The following PGM2 variants were observed in gnomAD, a reference collection of about 807,000 sequenced individuals.
PGM2 encodes the protein phosphopentomutase.
PGM2 carries 57 observed loss-of-function variants against 74.6 expected under a neutral mutation model. The ratio of observed to expected loss-of-function variants is 0.76; its 90% CI spans 0.62 to 0.95. The LOEUF is 0.95. PGM2 is among the 40% of genes least tolerant of loss of function. PGM2 has a pLI of 0.00. For synonymous variants in PGM2, 273 were observed against 260.7 expected (o/e 1.05, Z -0.46); for missense variants, 706 against 741.9 (o/e 0.95, Z 0.56).
At chr4:37,831,192 CAAAA>C (rs11432971) in intron 2 of PGM2, among the ~76,000 whole-genome samples, 1 of 74,090 alleles carries the variant, frequency 1.3e-5, no homozygotes. Context: ...GACTCTGTCT[CAAAA>C]AAAAAAAAAA....
chr4:37,849,953 A>G (rs1221303364), intron 11 of PGM2, among the ~76,000 whole-genome samples: 2 of 151,790 alleles, frequency 1.3e-5, no homozygotes, highest in African/African-American at 4.8e-5. Flanking sequence ...ATACCCGGCT[A>G]ATTTTTGTAT....
chr4:37,856,700 T>G (rs56385902), intron 13 of PGM2, among the ~76,000 whole-genome samples: 14,107 of 152,192 alleles, frequency 0.093, 1,730 homozygotes, highest in African/African-American at 0.28. Context: ...AGCATTTCCC[T>G]ATTCAGAATA....
chr4:37,845,488 C>T lies in PGM2; in HGVS notation c.910-145C>T, dbSNP rs1032645247. 7.0e-6 allele frequency: 4 copies of T among 571,616 alleles called. No individual in the cohort carries two copies. In the Admixed American group the frequency reaches 1.2e-4, roughly 17 times the overall value. 35.4% of individuals were successfully genotyped at this position (571,616 alleles called of 1,614,324 possible). On this transcript the variant is annotated intron_variant, in intron 7 of 13. Transcript: ENST00000381967. Reference sequence around the variant, plus strand: ...TGCAGCTTTTGTTTGCTAAATTTCACTTCTGGAGCTGTCTTGGTTGGTCCT... The same window carrying T: ...TGCAGCTTTTGTTTGCTAAATTTCATTTCTGGAGCTGTCTTGGTTGGTCCT...
intron 2 of PGM2, among the ~76,000 whole-genome samples, chr4:37,833,706 G>A (rs1244722626): frequency 1.3e-5 from 2 of 152,088 alleles, no homozygotes; most frequent in South Asian, 2.1e-4. Flanking sequence ...CAAAAATAAT[G>A]CGTAAAACAG....
At chr4:37,840,001 A>G (rs964165248) in intron 5 of PGM2, 65 bp from the exon 6 acceptor site, 20 of 1,520,118 alleles carry the variant, frequency 1.3e-5, no homozygotes, top group Non-Finnish European at 1.6e-5. Context: ...TTTTGGGACC[A>G]TAGGTAATAG....
intron 4 of PGM2, among the ~76,000 whole-genome samples, chr4:37,838,601 G>T (rs183298680): frequency 1.2e-4 from 19 of 152,218 alleles, no homozygotes; most frequent in Non-Finnish European, 2.6e-4. Flanking sequence ...TGTGTTTGCC[G>T]GCTCTAGTGC....
At chr4:37,855,012 A>T (rs1373899938) in intron 12 of PGM2, among the ~76,000 whole-genome samples, 3 of 152,250 alleles carry the variant, frequency 2.0e-5, no homozygotes, top group African/African-American at 7.2e-5. Context: ...GTGTTACCTC[A>T]CATATTGATC....
chr4:37,847,328 C>T (rs28662352), intron 10 of PGM2, 33 bp downstream of exon 10: 58,037 of 1,468,722 alleles, frequency 0.04, 3,007 homozygotes, highest in African/African-American at 0.19. Context: ...AAGGAATTGG[C>T]TGCAAGGCAA....
intron 3 of PGM2, among the ~76,000 whole-genome samples, chr4:37,836,427 C>G (rs1725568141): frequency 6.6e-6 from 1 of 152,158 alleles, no homozygotes; most frequent in Admixed American, 6.5e-5. Flanking sequence ...CTGAATTTCG[C>G]CCGAGGAGAT....
chr4:37,840,266 G>T lies in PGM2; in HGVS notation c.719+7G>T. ...AAAAGTACTGTTTCCACAGGTAAAT[G>T]AATTGTGTCTTCACTGACCTTAAGT... On this transcript the variant is annotated splice_region_variant and intron_variant, in intron 6 of 13. Transcript: ENST00000381967. 3 of 1,555,194 alleles carry T rather than the reference G, an allele frequency of 1.9e-6. No individual in the cohort carries two copies. The highest frequency in any genetic ancestry group is 2.7e-6 in the Non-Finnish European group (3 of 1,126,974).
chr4:37,827,361 A>G (rs1725320681), intron 1 of PGM2, among the ~76,000 whole-genome samples: 1 of 152,204 alleles, frequency 6.6e-6, no homozygotes, highest in African/African-American at 2.4e-5. Flanking sequence ...TTTGACTGCC[A>G]GGGAGGCACA....
intron 12 of PGM2, among the ~76,000 whole-genome samples, chr4:37,851,699 A>G (rs1055974037): frequency 1.3e-5 from 2 of 152,208 alleles, no homozygotes; most frequent in African/African-American, 2.4e-5. Flanking sequence ...ATGTGCTCAT[A>G]TAGTGATGTT....
intron 11 of PGM2, among the ~76,000 whole-genome samples, chr4:37,849,337 C>T (rs1056207760): frequency 6.6e-6 from 1 of 150,846 alleles, no homozygotes; most frequent in Admixed American, 6.6e-5. Context: ...TGACCTGGCT[C>T]TCTGTGCAAA....
intron 2 of PGM2, among the ~76,000 whole-genome samples, chr4:37,831,716 G>C (rs886345874): frequency 1.3e-5 from 2 of 152,158 alleles, no homozygotes; most frequent in African/African-American, 4.8e-5. Context: ...CTTTTATGAC[G>C]TAGCTTTGAA....
In PGM2 at chr4:37,840,032, G is replaced by A. The variant is rs369891105; in HGVS notation, c.526-34G>A. On this transcript the variant is annotated intron_variant, in intron 5 of 13. Coordinates refer to ENST00000381967, the MANE Select transcript of PGM2 (RefSeq NM_018290.4). ...AATAGGTGCCTTATTTCCATTAACT[G>A]TAAACCTTCTGAATGTGTTCCTGGG... is the stretch of plus-strand genomic sequence containing the variant. 3.2e-6 allele frequency: 5 copies of A among 1,583,508 alleles called. No homozygotes were observed. The African/African-American group carries it at 5.4e-5, about 17-fold the overall frequency.
At chr4:37,840,960 G>GTATATATATATATATATATA in intron 6 of PGM2, among the ~76,000 whole-genome samples, 1 of 139,308 alleles carries the variant, frequency 7.2e-6, no homozygotes, top group African/African-American at 2.6e-5. Flanking sequence ...GTGTGTGTGT[G>GTATATATATATATATATATA]TGTGTATATA....
chr4:37,830,030 T>C lies in PGM2; in HGVS notation c.148T>C (p.Cys50Arg). 1.9e-6 allele frequency: 3 copies of C among 1,607,164 alleles called. No homozygotes were observed. Among genetic ancestry groups the C allele is most frequent in the Non-Finnish European group, 2.5e-6 (3 of 1,176,888 alleles). The change falls in exon 2 of 14, where the codon TGT (cysteine) becomes CGT (arginine). Residue 50 changes from cysteine (C) to arginine (R), a missense_variant. Cys to Arg is a radical substitution (Grantham distance 180, BLOSUM62 -3). Transcript: ENST00000381967. ...AEGNKEELRK[C>R]FGARMEFGTA... ...AGGTAATAAAGAAGAACTACGAAAATGTTTTGGGGCCCGAATGGAGTTTGG... is the reference window on the plus strand; with the variant it reads ...AGGTAATAAAGAAGAACTACGAAAACGTTTTGGGGCCCGAATGGAGTTTGG...
intron 8 of PGM2, 71 bp from the exon 9 acceptor site, chr4:37,846,860 C>T (rs1725887127): frequency 1.6e-6 from 2 of 1,212,512 alleles, no homozygotes; most frequent in Non-Finnish European, 1.2e-6. Context: ...TTGTTTTATC[C>T]CCATGACACT....
chr4:37,841,100 ATGTGTGTGTGTGTGTTTG>A (rs1725710133), intron 6 of PGM2, among the ~76,000 whole-genome samples: 7 of 115,732 alleles, frequency 6.0e-5, no homozygotes, highest in East Asian at 3.0e-4. Context: ...ATATATATAT[ATGTGTGTGTGTGTGTTTG>A]TATATGTATA....
Sources: allele counts gnomAD v4.1 joint callset (sites outside exome capture counted in the v4.1 genomes callset), GRCh38; gene constraint gnomAD v4.1.1; transcripts MANE v1.5; gene names NCBI Gene and HGNC (gene_info 2026-07-23, HGNC 2026-07-21).